The following LPGAT1 variants were observed in gnomAD, a reference collection of about 807,000 sequenced individuals.
LPGAT1 encodes lysophosphatidylglycerol acyltransferase 1, also known as acyl-CoA:lysophosphatidylglycerol acyltransferase 1.
A neutral mutation model predicts 47.5 loss-of-function variants in LPGAT1; 11 were observed. The ratio of observed to expected loss-of-function variants is 0.23; its 90% CI spans 0.15 to 0.38. LPGAT1 has a LOEUF of 0.38. Ranked by LOEUF, LPGAT1 falls within the 10% of genes least tolerant of loss-of-function variation. The pLI is 1.00. For synonymous variants in LPGAT1, 138 were observed against 144.2 expected (o/e 0.96, Z 0.31); for missense variants, 293 against 439.0 (o/e 0.67, Z 2.97).
chr1:211,810,167 C>T lies in LPGAT1; in HGVS notation c.239-16977G>A, dbSNP rs555134889. ...AGATGGTAAATATAATTAATTTACACCACCTCCTGTTCACTATCCCCCAAA... is the reference window on the plus strand; with the variant it reads ...AGATGGTAAATATAATTAATTTACATCACCTCCTGTTCACTATCCCCCAAA... On this transcript the variant is annotated intron_variant, in intron 2 of 7. Transcript: ENST00000366997. Among the ~76,000 whole-genome samples, 30 of 152,230 alleles carry T rather than the reference C, an allele frequency of 2.0e-4. 1 individual carries two copies. Among genetic ancestry groups the T allele is most frequent in the African/African-American group, 7.0e-4 (29 of 41,536 alleles).
chr1:211,806,278 A>G (rs895571319), intron 2 of LPGAT1, among the ~76,000 whole-genome samples: 7 of 151,920 alleles, frequency 4.6e-5, no homozygotes, highest in Non-Finnish European at 1.0e-4. Flanking sequence ...AAAAAAAGAA[A>G]ATCAATCAAT....
chr1:211,780,566 A>T (rs1658601864), intron 5 of LPGAT1, among the ~76,000 whole-genome samples: 1 of 152,252 alleles, frequency 6.6e-6, no homozygotes, highest in Admixed American at 6.5e-5. Flanking sequence ...TATGTCAAAT[A>T]ATTTAAAACT....
At chr1:211,823,280 C>CG (rs1365108993) in intron 2 of LPGAT1, among the ~76,000 whole-genome samples, 4 of 152,098 alleles carry the variant, frequency 2.6e-5, no homozygotes, top group Non-Finnish European at 5.9e-5. Flanking sequence ...ATTAAGTGAC[C>CG]GAAGCACTTT....
Position 211,814,884 on chromosome 1 carries a change from A to G in LPGAT1, c.238+14175T>C, listed in dbSNP as rs117885696. On this transcript the variant is annotated intron_variant, in intron 2 of 7. Transcript: ENST00000366997. ...AGCTGCTCTTGCTAAATACAATAAA[A>G]GATATGTCAGCTCTCATCTTGGAAA... Among the ~76,000 whole-genome samples the G allele has an allele frequency of 1.4e-4, 22 of 152,330 alleles. No homozygotes were observed. In the East Asian group the frequency reaches 3.9e-3, roughly 27 times the overall value.
chr1:211,781,018 T>A (rs1001552411), intron 5 of LPGAT1, among the ~76,000 whole-genome samples: 1 of 152,202 alleles, frequency 6.6e-6, no homozygotes, highest in South Asian at 2.1e-4. Flanking sequence ...TTGGTATATA[T>A]GTATGCATCA....
intron 2 of LPGAT1, among the ~76,000 whole-genome samples, chr1:211,822,425 A>G (rs1233644647): frequency 1.3e-5 from 2 of 152,168 alleles, no homozygotes; most frequent in Non-Finnish European, 2.9e-5. Flanking sequence ...CTTTCATGAT[A>G]TATTTTCCAT....
chr1:211,760,982 A>G (rs1267568879), intron 6 of LPGAT1, among the ~76,000 whole-genome samples: 1 of 152,188 alleles, frequency 6.6e-6, no homozygotes, highest in African/African-American at 2.4e-5. Context: ...CTGAGTTTTT[A>G]CTTTTAGATA....
chr1:211,794,354 A>C (rs1198319136), intron 2 of LPGAT1, among the ~76,000 whole-genome samples: 1 of 152,142 alleles, frequency 6.6e-6, no homozygotes, highest in Non-Finnish European at 1.5e-5. Context: ...GCTGGAGTGC[A>C]ATGGTGCAAT....
chr1:211,757,517 T>C (rs6672393), intron 6 of LPGAT1, among the ~76,000 whole-genome samples: 148,573 of 152,322 alleles, frequency 0.98, 72,471 homozygotes, highest in East Asian at 1. Context: ...TCATTTAAGG[T>C]CAGCATTATT....
chr1:211,815,847 C>T (rs943895003), intron 2 of LPGAT1, among the ~76,000 whole-genome samples: 4 of 144,422 alleles, frequency 2.8e-5, no homozygotes, highest in Admixed American at 2.2e-4. Context: ...GGCACAATCT[C>T]GGCTCACTGC....
rs549936942 is a variant in LPGAT1, at chr1:211,775,640, GT to G, written c.854+3277del. On this transcript the variant is annotated intron_variant, in intron 6 of 7. Transcript: ENST00000366997. ...TCAACTGGGAGTTTCTCTTAGAATT[GT>G]TTCATGGCCGGGCGCAGTGGCTCAT... Among the ~76,000 whole-genome samples the G allele has an allele frequency of 2.3e-3, 356 of 152,136 alleles. 3 individuals carry two copies. Among genetic ancestry groups the G allele is most frequent in the Admixed American group, 4.0e-3 (61 of 15,276 alleles).
chr1:211,805,844 C>T (rs1659736740), intron 2 of LPGAT1, among the ~76,000 whole-genome samples: 1 of 152,148 alleles, frequency 6.6e-6, no homozygotes, highest in South Asian at 2.1e-4. Flanking sequence ...CAAACAAAAG[C>T]TACAGACTAA....
At chr1:211,825,779 T>C (rs749313622) in intron 2 of LPGAT1, among the ~76,000 whole-genome samples, 81 of 152,100 alleles carry the variant, frequency 5.3e-4, no homozygotes, top group Non-Finnish European at 1.5e-4. Context: ...GCCAACATAG[T>C]GAAACCCCCA....
chr1:211,782,274 G>A (rs543991500), intron 5 of LPGAT1, among the ~76,000 whole-genome samples: 2 of 152,006 alleles, frequency 1.3e-5, no homozygotes, highest in Admixed American at 1.3e-4. Flanking sequence ...CCAATTTTTT[G>A]GCTATTATAA....
At chr1:211,822,695 T>C (rs1660403744) in intron 2 of LPGAT1, among the ~76,000 whole-genome samples, 1 of 151,862 alleles carries the variant, frequency 6.6e-6, no homozygotes, top group African/African-American at 2.4e-5. Context: ...GGAGAATCAC[T>C]TGAACCCAAG....
At chr1:211,767,992 T>C (rs1440869864) in intron 6 of LPGAT1, among the ~76,000 whole-genome samples, 1 of 152,184 alleles carries the variant, frequency 6.6e-6, no homozygotes, top group Non-Finnish European at 1.5e-5. Flanking sequence ...TAAAAGTTGG[T>C]CCCCAATATG....
rs528517027 is a variant in LPGAT1, at chr1:211,817,570, C to CAA, written c.238+11487_238+11488dup. 5.8e-4 allele frequency among the ~76,000 whole-genome samples: 63 copies of CAA among 107,908 alleles called. 1 individual carries two copies. The South Asian group carries it at 0.018, about 30-fold the overall frequency. 70.8% of individuals were successfully genotyped at this position (107,908 alleles called of 152,430 possible). ...TAGGGGACAGAGTGAGGCTCCATCT[C>CAA]AAAAAAAAAAAAAGAAAGAAAGAAT... On this transcript the variant is annotated intron_variant, in intron 2 of 7. Transcript: ENST00000366997.
Position 211,829,261 on chromosome 1 carries a change from G to T in LPGAT1, c.36C>A (p.Gly12=). The T allele has an allele frequency of 6.2e-7, 1 of 1,614,180 alleles. No individual in the cohort carries two copies. Among genetic ancestry groups the T allele is most frequent in the Non-Finnish European group, 8.5e-7 (1 of 1,180,032 alleles). Residue 12 remains glycine (G), a synonymous_variant, in exon 2 of 8, where the codon GGC becomes GGA. Transcript: ENST00000366997. Reference sequence around the variant, plus strand: ...TCATCAGTGCTTTCACCAAGAGCCAGCCCAGCCACGGAGCTTCTTCCAAAG... The same window carrying T: ...TCATCAGTGCTTTCACCAAGAGCCATCCCAGCCACGGAGCTTCTTCCAAAG... The part of the protein sequence containing the change: ...AITLEEAPWL[G]WLLVKALMRF...
intron 4 of LPGAT1, among the ~76,000 whole-genome samples, chr1:211,786,103 A>G (rs898038967): frequency 2.0e-5 from 3 of 152,168 alleles, no homozygotes; most frequent in Non-Finnish European, 4.4e-5. Context: ...AGTTGTCCTG[A>G]TCAGTTTATT....
Sources: gnomAD v4.1 joint callset for allele counts (sites outside exome capture counted in the v4.1 genomes callset) on GRCh38, gnomAD v4.1.1 for gene constraint, MANE v1.5 for transcripts, NCBI Gene and HGNC (gene_info 2026-07-23, HGNC 2026-07-21) for gene names.